The following TDRD9 variants were observed in gnomAD, a reference collection of about 807,000 sequenced individuals.
TDRD9 encodes tudor domain containing 9, also known as ATP-dependent RNA helicase TDRD9.
Under a neutral mutation model 172.6 loss-of-function variants are expected in TDRD9, and 124 were observed. The observed-to-expected ratio is 0.72, with a 90% CI of 0.62 to 0.83. TDRD9 has a LOEUF of 0.83. Ranked by LOEUF, TDRD9 falls within the 40% of genes least tolerant of loss-of-function variation. TDRD9 has a pLI of 0.00. For synonymous variants in TDRD9, 619 were observed against 617.1 expected, an observed-to-expected ratio of 1.00 and a Z score of -0.05; for missense variants, 1,479 against 1,714.1, an observed-to-expected ratio of 0.86 and a Z score of 2.42.
At chr14:104,000,125 G>A (rs556816088) in intron 13 of TDRD9, among the ~76,000 whole-genome samples, 12 of 151,904 alleles carry the variant, frequency 7.9e-5, no homozygotes, top group Admixed American at 2.6e-4. Context: ...TTAGGAGTTC[G>A]AGACCGGCCT....
chr14:103,955,650 A>T lies in TDRD9; in HGVS notation c.216-14A>T, dbSNP rs775445466. 3.9e-6 allele frequency: 6 copies of T among 1,544,668 alleles called. No individual in the cohort carries two copies. In the South Asian group the frequency reaches 7.2e-5, roughly 19 times the overall value. ...TTTTGGAAATAGTATACTAACTTTT[A>T]CTATTCTTTTCAGGTCACTCAGCCA... On this transcript the variant is annotated splice_polypyrimidine_tract_variant and intron_variant, in intron 1 of 35. Coordinates refer to ENST00000409874, the MANE Select transcript of TDRD9 (RefSeq NM_153046.3).
At chr14:103,936,691 T>C (rs934228018) in intron 1 of TDRD9, among the ~76,000 whole-genome samples, 5 of 152,358 alleles carry the variant, frequency 3.3e-5, no homozygotes, top group African/African-American at 1.2e-4. Context: ...CTTGCCTGGA[T>C]TATTGCATAA....
chr14:103,984,963 T>C (rs1464115801), intron 7 of TDRD9, among the ~76,000 whole-genome samples: 1 of 152,214 alleles, frequency 6.6e-6, no homozygotes, highest in Non-Finnish European at 1.5e-5. Context: ...TTTGGAGCTT[T>C]AAGATTTGAC....
chr14:103,998,592 T>C (rs367910415), intron 12 of TDRD9, 32 bp from the exon 13 acceptor site: 7 of 1,106,040 alleles, frequency 6.3e-6, no homozygotes, highest in Non-Finnish European at 9.7e-6. Flanking sequence ...CTTATTAGCA[T>C]GGTGTTTACA....
intron 7 of TDRD9, among the ~76,000 whole-genome samples, chr14:103,981,844 A>G (rs2033484309): frequency 6.6e-6 from 1 of 152,242 alleles, no homozygotes; most frequent in South Asian, 2.1e-4. Context: ...TATAAGTTAA[A>G]TCATTGTAAA....
chr14:104,020,939 C>T (rs1356601027), intron 23 of TDRD9, among the ~76,000 whole-genome samples: 31 of 151,908 alleles, frequency 2.0e-4, no homozygotes, highest in Non-Finnish European at 2.9e-5. Flanking sequence ...AATGGGACAC[C>T]GAAATATGGG....
At chr14:104,046,813 T>A (rs892481377) in intron 34 of TDRD9, among the ~76,000 whole-genome samples, 1 of 151,962 alleles carries the variant, frequency 6.6e-6, no homozygotes, top group African/African-American at 2.4e-5. Flanking sequence ...ACCTGGCTAA[T>A]TTTTTTGTAT....
intron 8 of TDRD9, 92 bp downstream of exon 8, chr14:103,986,412 G>C: frequency 1.1e-6 from 1 of 929,210 alleles, no homozygotes. Flanking sequence ...TTATAAGAAG[G>C]TATAACTATA....
chr14:103,995,822 C>T lies in TDRD9; in HGVS notation c.1378+15C>T, dbSNP rs372261105. On this transcript the variant is annotated intron_variant, in intron 12 of 35. Coordinates refer to ENST00000409874, the MANE Select transcript of TDRD9 (RefSeq NM_153046.3). ...TGTCAAATATGGTAAGATACTTCTCCGTTTACCTCCTGGCATTAGCTGTAG... is the reference window on the plus strand; with the variant it reads ...TGTCAAATATGGTAAGATACTTCTCTGTTTACCTCCTGGCATTAGCTGTAG... 4.4e-5 allele frequency: 70 copies of T among 1,598,728 alleles called. No individual in the cohort carries two copies. Among genetic ancestry groups the T allele is most frequent in the African/African-American group, 2.0e-4 (15 of 74,318 alleles).
intron 7 of TDRD9, among the ~76,000 whole-genome samples, chr14:103,981,891 A>G (rs1210223816): frequency 6.6e-6 from 1 of 152,222 alleles, no homozygotes; most frequent in Non-Finnish European, 1.5e-5. Flanking sequence ...GCTTATAAAA[A>G]TGGTGTTGTT....
At chr14:104,025,439 T>C in intron 25 of TDRD9, 125 bp from the exon 26 acceptor site, 1 of 713,870 alleles carries the variant, frequency 1.4e-6, no homozygotes, top group Non-Finnish European at 2.3e-6. Flanking sequence ...AATACTTATG[T>C]TCCGAGGATT....
intron 14 of TDRD9, 105 bp downstream of exon 14, chr14:104,004,440 G>A (rs775450628): frequency 6.8e-6 from 4 of 590,658 alleles, no homozygotes; most frequent in Non-Finnish European, 8.9e-6. Context: ...GAGTGCACTG[G>A]CATGATCTTG....
intron 1 of TDRD9, among the ~76,000 whole-genome samples, chr14:103,938,037 G>A (rs2030888002): frequency 6.6e-6 from 1 of 151,996 alleles, no homozygotes; most frequent in African/African-American, 2.4e-5. Context: ...CTCTGCCAAT[G>A]AGCAAGCCAT....
chr14:103,956,943 C>T (rs1441678099), intron 2 of TDRD9, among the ~76,000 whole-genome samples: 1 of 152,160 alleles, frequency 6.6e-6, no homozygotes, highest in African/African-American at 2.4e-5. Flanking sequence ...AGAAGCTCTG[C>T]CTCCTGTCCT....
At chr14:103,990,277 T>C (rs560647686) in intron 8 of TDRD9, among the ~76,000 whole-genome samples, 5 of 152,214 alleles carry the variant, frequency 3.3e-5, no homozygotes, top group Admixed American at 2.0e-4. Context: ...CTCACCCTCA[T>C]AGGGAGAGAT....
At chr14:103,963,027 C>CT (rs1356316150) in intron 2 of TDRD9, 52 bp from the exon 3 acceptor site, 1 of 1,053,308 alleles carries the variant, frequency 9.5e-7, no homozygotes, top group African/African-American at 1.6e-5. Context: ...ATTGAGTTAT[C>CT]TTTTTCCAGA....
chr14:103,969,112 C>CAA (rs201636270), intron 5 of TDRD9, among the ~76,000 whole-genome samples: 1 of 118,750 alleles, frequency 8.4e-6, no homozygotes, highest in Non-Finnish European at 1.8e-5. Flanking sequence ...AAAAAAAAAG[C>CAA]AAAAAAAAAA....
intron 1 of TDRD9, chr14:103,939,657 G>A (rs1595893383): frequency 7.0e-6 from 1 of 143,036 alleles, no homozygotes. Flanking sequence ...CAAGAACGCA[G>A]GGAGAATAAA....
At chr14:103,998,564 T>C in intron 12 of TDRD9, 60 bp from the exon 13 acceptor site, 1 of 926,814 alleles carries the variant, frequency 1.1e-6, no homozygotes, top group Middle Eastern at 2.6e-4. Flanking sequence ...TGCATTGTGA[T>C]TTATTATGCA....
Sources: gnomAD v4.1 joint callset for allele counts (sites outside exome capture counted in the v4.1 genomes callset) on GRCh38, gnomAD v4.1.1 for gene constraint, MANE v1.5 for transcripts, NCBI Gene and HGNC (gene_info 2026-07-23, HGNC 2026-07-21) for gene names.